The following APOB variants were observed in gnomAD, a reference collection of about 807,000 sequenced individuals.
The protein encoded by APOB is apolipoprotein B.
Under a neutral mutation model 314.1 loss-of-function variants are expected in APOB, and 153 were observed. That is an observed-to-expected ratio of 0.49 (90% CI 0.43 to 0.56). The LOEUF (loss-of-function observed/expected upper bound fraction) is 0.56, where lower values mean the gene tolerates loss of function less well. Among genes scored for constraint, APOB ranks in the 20% least tolerant of loss-of-function variants. APOB has a pLI of 0.00. For synonymous variants in APOB, 2,087 were observed against 2,036.4 expected (o/e 1.02, Z -0.67); for missense variants, 5,430 against 5,350.7 (o/e 1.01, Z -0.46).
At position 21,043,865 on chromosome 2, in the gene APOB, G is replaced by C. The variant is rs768732556; in HGVS notation, c.81C>G (p.Ala27=). 111 of 1,500,870 alleles carry C rather than the reference G, an allele frequency of 7.4e-5. 1 individual carries two copies. The highest frequency in any genetic ancestry group is 9.2e-5 in the Non-Finnish European group (104 of 1,131,536). The allele number at this position is 1,500,870 out of a possible 1,614,324, so 93.0% of individuals were successfully genotyped here. The change falls in exon 1 of 29, where the codon GCC becomes GCG. Residue 27 remains alanine (A), a splice_region_variant and synonymous_variant. Transcript: ENST00000233242. ...CCCGCAGAGCGGCCGCGCACTCACC[G>C]GCCCTGGCGCCCGCCAGCAGCAGCA... ...LLLLLLAGAR[A]EEEMLENVSL...
rs887351339 is a variant in APOB, at chr2:21,023,625, G to A, written c.2504C>T (p.Ala835Val). 3 of 1,614,128 alleles carry A rather than the reference G, an allele frequency of 1.9e-6. No individual in the cohort carries two copies. The highest frequency in any genetic ancestry group is 2.5e-6 in the Non-Finnish European group (3 of 1,179,994). The change falls in exon 17 of 29, where the codon GCC becomes GTC. Residue 835 changes from alanine (A) to valine (V), a missense_variant. Transcript: ENST00000233242. ...TCCAGCTCCAGTGGGGAGTTCAAAG[G>A]CATTCTCCATGAAGATGTAGTGAAG... Reference protein sequence around the residue: ...FFLHYIFMENAFELPTGAGLQ... With the variant: ...FFLHYIFMENVFELPTGAGLQ...
rs1390776056 is a variant in APOB, at chr2:21,041,027, G to A, written c.294C>T (p.Thr98=). ...CSFILKTSQC[T]LKEVYGFNPE... ...GGTTGAAGCCATACACCTCTTTCAGGGTGCACTGGCTGGTCTTCAGGATGA... is the reference window on the plus strand; with the variant it reads ...GGTTGAAGCCATACACCTCTTTCAGAGTGCACTGGCTGGTCTTCAGGATGA... Residue 98 remains threonine, a synonymous_variant, in exon 4 of 29, where the codon ACC becomes ACT. Coordinates refer to ENST00000233242, the MANE Select transcript of APOB (RefSeq NM_000384.3). 3 of 1,613,548 alleles carry A rather than the reference G, an allele frequency of 1.9e-6. No homozygotes were observed. The highest frequency in any genetic ancestry group is 2.5e-6 in the Non-Finnish European group (3 of 1,179,912).
At position 21,015,122 on chromosome 2, in the gene APOB, A is replaced by G. The variant is rs1225982982; in HGVS notation, c.3647T>C (p.Val1216Ala). 3.7e-6 allele frequency: 6 copies of G among 1,613,998 alleles called. No homozygotes were observed. The South Asian group carries it at 5.5e-5, about 15-fold the overall frequency. Residue 1216 changes from valine (V) to alanine (A), a missense_variant, in exon 23 of 29, where the codon GTC (valine) becomes GCC (alanine). By Grantham distance (64) the Val-to-Ala change is moderately conservative (BLOSUM62 0). Around this residue, in one of 3 missense-constraint regions of APOB, gnomAD observed 2,085 missense variants for 2,079.7 expected, o/e 1.00. Transcript: ENST00000233242. ...MYANRLLDHR[V>A]PQTDMTFRHV... ...CCGGAAAGTCATGTCTGTTTGAGGG[A>G]CTCTGTGATCCAGGAGTCTATTAGC...
intron 23 of APOB, 144 bp downstream of exon 23, chr2:21,014,929 G>GTTTT: frequency 1.1e-6 from 1 of 886,018 alleles, no homozygotes; most frequent in South Asian, 1.5e-5. Flanking sequence ...ACTTGTGAAA[G>GTTTT]TTTTTTTTTC....
chr2:21,010,591 C>T lies in APOB; in HGVS notation c.6277G>A (p.Glu2093Lys). 5.0e-6 allele frequency: 8 copies of T among 1,613,882 alleles called. No individual in the cohort carries two copies. Among genetic ancestry groups the T allele is most frequent in the Non-Finnish European group, 6.8e-6 (8 of 1,179,930 alleles). ...RNRQTIIVVLENVQRNLKHIN... is the reference protein window; with the variant it reads ...RNRQTIIVVLKNVQRNLKHIN... ...TGCTTCAGGTTTCTCTGTACGTTTT[C>T]CAGTACAACTATAATGGTTTGTCGA... is the stretch of plus-strand genomic sequence containing the variant. Residue 2093 changes from glutamate to lysine, a missense_variant, in exon 26 of 29, where the codon GAA becomes AAA. Coordinates refer to ENST00000233242, the MANE Select transcript of APOB (RefSeq NM_000384.3).
At position 21,011,841 on chromosome 2, in the gene APOB, C is replaced by A. The variant is rs768767920; in HGVS notation, c.5027G>T (p.Gly1676Val). The change falls in exon 26 of 29, where the codon GGC (glycine) becomes GTC (valine). Residue 1676 changes from glycine (G) to valine (V), a missense_variant. Gly to Val is a moderately radical substitution (Grantham distance 109). Transcript: ENST00000233242. ...VLENELNAEL[G>V]LSGASMKLTT... is the part of the protein sequence containing the mutation. Reference sequence around the variant, plus strand: ...TAATTTCATAGATGCCCCAGAGAGGCCAAGCTCTGCATTCAGCTCATTCTC... The same window carrying A: ...TAATTTCATAGATGCCCCAGAGAGGACAAGCTCTGCATTCAGCTCATTCTC... 1 of 1,614,120 alleles carries A rather than the reference C, an allele frequency of 6.2e-7. No homozygotes were observed. Among genetic ancestry groups the A allele is most frequent in the South Asian group, 1.1e-5 (1 of 91,084 alleles).
chr2:21,038,367 C>T (rs1664056258), intron 4 of APOB, among the ~76,000 whole-genome samples: 1 of 150,484 alleles, frequency 6.6e-6, no homozygotes, highest in Non-Finnish European at 1.5e-5. Context: ...AATGGAGTCT[C>T]GCTCGGTCGC....
At chr2:21,024,885 A>C in intron 16 of APOB, 48 bp downstream of exon 16, 1 of 1,609,536 alleles carries the variant, frequency 6.2e-7, no homozygotes, top group East Asian at 2.2e-5. Context: ...ATCTAAAAAA[A>C]AACCAACGTC....
chr2:21,007,091 T>C lies in APOB; in HGVS notation c.9777A>G (p.Glu3259=). ...PGYTVPVVNV[E]VSPFTIEMSA... is the part of the protein sequence containing the mutation. ...ACATCTCTATGGTGAATGGAGACAC[T>C]TCAACATTGACAACTGGAACAGTGT... The change falls in exon 26 of 29, where the codon GAA becomes GAG. Residue 3259 remains glutamate, a synonymous_variant. Transcript: ENST00000233242. The C allele has an allele frequency of 1.2e-6, 2 of 1,614,036 alleles. No individual in the cohort carries two copies. The highest frequency in any genetic ancestry group is 1.7e-6 in the Non-Finnish European group (2 of 1,179,950).
In APOB at chr2:21,004,370, C is replaced by T. The variant is rs150110189; in HGVS notation, c.11986G>A (p.Gly3996Ser). Residue 3996 changes from glycine to serine, a missense_variant, in exon 28 of 29, where the codon GGC becomes AGC. Coordinates refer to ENST00000233242, the MANE Select transcript of APOB (RefSeq NM_000384.3). ...GGGGAGGCTGCTGAGGTGGAGATGC[C>T]TTTCTTGTCTTTCTGGTAGCGCAGA... Reference protein sequence around the residue: ...LHLRYQKDKKGISTSAASPAV... With the variant: ...LHLRYQKDKKSISTSAASPAV... The T allele has an allele frequency of 3.1e-6, 5 of 1,613,950 alleles. No homozygotes were observed. Among genetic ancestry groups the T allele is most frequent in the African/African-American group, 2.7e-5 (2 of 75,022 alleles).
At chr2:21,021,523 A>G (rs1201637981) in intron 18 of APOB, among the ~76,000 whole-genome samples, 1 of 152,170 alleles carries the variant, frequency 6.6e-6, no homozygotes, top group Non-Finnish European at 1.5e-5. Flanking sequence ...CCTTCAAAAG[A>G]GTCCAAACTC....
rs886055593 is a variant in APOB, at chr2:21,026,855, A to G, written c.2177T>C (p.Val726Ala). The G allele has an allele frequency of 1.6e-5, 26 of 1,614,016 alleles. No individual in the cohort carries two copies. Among genetic ancestry groups the G allele is most frequent in the Non-Finnish European group, 2.1e-5 (25 of 1,179,964 alleles). The change falls in exon 15 of 29, where the codon GTT becomes GCT. Residue 726 changes from valine to alanine, a missense_variant. Val to Ala is a moderately conservative substitution (Grantham distance 64). Coordinates refer to ENST00000233242, the MANE Select transcript of APOB (RefSeq NM_000384.3). Reference sequence around the variant, plus strand: ...TAAGACCTTAGAGACACCATCAGGAACTTGACCATTAACCCAGTACAAAGC... The same window carrying G: ...TAAGACCTTAGAGACACCATCAGGAGCTTGACCATTAACCCAGTACAAAGC... ...NKALYWVNGQ[V>A]PDGVSKVLVD...
rs1253747883 is a variant in APOB, at chr2:21,028,318, C to G, written c.1829+9G>C. 7.5e-6 allele frequency: 12 copies of G among 1,609,960 alleles called. No individual in the cohort carries two copies. Among genetic ancestry groups the G allele is most frequent in the Non-Finnish European group, 1.0e-5 (12 of 1,176,342 alleles). On this transcript the variant is annotated intron_variant, in intron 13 of 28. Transcript: ENST00000233242. ...TCAGTGGTATATGGGGTGAATAGCT[C>G]TTACTTACTCTTGGATATCCAATTC...
chr2:21,014,459 G>C lies in APOB; in HGVS notation c.3831C>G (p.Leu1277=). 1 of 1,614,094 alleles carries C rather than the reference G, an allele frequency of 6.2e-7. No homozygotes were observed. The change falls in exon 24 of 29, where the codon CTC becomes CTG. Residue 1277 remains leucine (L), a synonymous_variant. Coordinates refer to ENST00000233242, the MANE Select transcript of APOB (RefSeq NM_000384.3). The stretch of plus-strand genomic sequence containing the variant: ...CTTTCTTCTTTTACCTTTTTAAGAA[G>C]AGGTTTTCTGGGATGTGGAAGTCTG... ...GLPDFHIPEN[L]FLKSDGRVKY... is the part of the protein sequence containing the mutation.
rs903733875 is a variant in APOB, at chr2:21,019,758, G to T, written c.2964C>A (p.Asp988Glu). The T allele has an allele frequency of 6.2e-7, 1 of 1,614,198 alleles. No homozygotes were observed. The change falls in exon 19 of 29, where the codon GAC (aspartate) becomes GAA (glutamate). Residue 988 changes from aspartate (D) to glutamate (E), a missense_variant. Asp to Glu is a conservative substitution (Grantham distance 45). Around this residue, in one of 3 missense-constraint regions of APOB, gnomAD observed 2,085 missense variants for 2,079.7 expected, o/e 1.00. Coordinates refer to ENST00000233242, the MANE Select transcript of APOB (RefSeq NM_000384.3). The stretch of plus-strand genomic sequence containing the variant: ...CGGTCAGCGGATAGTAGGAGGCGGA[G>T]TCTGTGGAGCTGGCGTTGGAGTAAG... Reference protein sequence around the residue: ...SGAYSNASSTDSASYYPLTGD... With the variant: ...SGAYSNASSTESASYYPLTGD...
intron 6 of APOB, 101 bp downstream of exon 6, chr2:21,036,999 G>A: frequency 6.9e-7 from 1 of 1,450,964 alleles, no homozygotes; most frequent in Non-Finnish European, 9.5e-7. Context: ...AACAGCCAGG[G>A]CAGGCTGTCC....
chr2:21,027,530 G>C (rs1663761843), intron 14 of APOB, among the ~76,000 whole-genome samples: 1 of 152,070 alleles, frequency 6.6e-6, no homozygotes, highest in African/African-American at 2.4e-5. Context: ...AGCCAGGATG[G>C]TGTCGATATC....
intron 24 of APOB, among the ~76,000 whole-genome samples, chr2:21,013,959 T>A (rs1663404158): frequency 6.6e-6 from 1 of 152,218 alleles, no homozygotes. Context: ...ATTTTGCACA[T>A]AGGGGATACT....
rs562574661 is a variant in APOB, at chr2:21,001,939, ACTG to A, written c.13480_13482del (p.Gln4494del). 3.6e-4 allele frequency: 588 copies of A among 1,614,014 alleles called. 1 individual carries two copies. Among genetic ancestry groups the A allele is most frequent in the Non-Finnish European group, 4.6e-4 (547 of 1,179,970 alleles). On this transcript the variant is annotated inframe_deletion, in exon 29 of 29. Coordinates refer to ENST00000233242, the MANE Select transcript of APOB (RefSeq NM_000384.3). Reference sequence around the variant, plus strand: ...GAAAAATCTTGCAGTTTATATCTAAACTGCTGGTGGTAATCAGAAATTATTTTC... The same window carrying A: ...GAAAAATCTTGCAGTTTATATCTAAACTGGTGGTAATCAGAAATTATTTTC...
Sources: allele counts gnomAD v4.1 joint callset (sites outside exome capture counted in the v4.1 genomes callset), GRCh38; gene constraint gnomAD v4.1.1; regional missense constraint gnomAD v4.1.1; transcripts MANE v1.5; gene names NCBI Gene and HGNC (gene_info 2026-07-23, HGNC 2026-07-21).